The following SYNPO variants were observed in gnomAD, a reference collection of about 807,000 sequenced individuals.
SYNPO encodes synaptopodin.
SYNPO carries 19 observed loss-of-function variants against 49.5 expected under a neutral mutation model. The ratio of observed to expected loss-of-function variants is 0.38; its 90% CI spans 0.27 to 0.56. The LOEUF (loss-of-function observed/expected upper bound fraction) is 0.56. Ranked by LOEUF, SYNPO falls within the 20% of genes least tolerant of loss-of-function variation. The pLI, the probability that SYNPO is intolerant of heterozygous loss-of-function variation, is 0.68. For synonymous variants in SYNPO, 536 were observed against 548.0 expected, an observed-to-expected ratio of 0.98 and a Z score of 0.31; for missense variants, 1,131 against 1,248.3, an observed-to-expected ratio of 0.91 and a Z score of 1.42.
chr5:150,592,728 T>A, the SYNPO span, among the ~76,000 whole-genome samples: 1 of 152,362 alleles, frequency 6.6e-6, no homozygotes, highest in South Asian at 2.1e-4. Context: ...GCTTGACCCT[T>A]CTTTCTGAAG....
chr5:150,597,920 G>A (rs543522622), upstream of SYNPO, among the ~76,000 whole-genome samples: 3 of 152,272 alleles, frequency 2.0e-5, no homozygotes, highest in South Asian at 4.1e-4. Flanking sequence ...TTACAGGCAT[G>A]AGCCACCGCA....
chr5:150,619,464 C>T (rs1222433402), intron 2 of SYNPO, among the ~76,000 whole-genome samples: 1 of 152,162 alleles, frequency 6.6e-6, no homozygotes, highest in Non-Finnish European at 1.5e-5. Context: ...GGGGAGAGCA[C>T]AGTGTGCGCG....
Position 150,656,698 on chromosome 5 carries a change from G to C in SYNPO, c.2323G>C (p.Ala775Pro), listed in dbSNP as rs1264130186. 6.9e-6 allele frequency: 10 copies of C among 1,453,058 alleles called. No homozygotes were observed. The highest frequency in any genetic ancestry group is 2.4e-4 in the Middle Eastern group (1 of 4,166). 90.0% of individuals were successfully genotyped at this position (1,453,058 alleles called of 1,614,324 possible). A position where few individuals can be genotyped will look rare whatever the true frequency, so the allele number is the denominator to read the frequency against. ...ARRKSASPRS[A>P]GAENPRPFSP... ...GCGCAAGAGCGCCTCCCCGCGGTCG[G>C]CGGGCGCCGAGAACCCGCGGCCCTT... Residue 775 changes from alanine to proline, a missense_variant, in exon 3 of 3, where the codon GCG becomes CCG. Ala to Pro is a conservative substitution (Grantham distance 27). This residue lies in a region of SYNPO where 509 missense variants were observed against 484.5 expected (regional missense o/e 1.05). Transcript: ENST00000307662.
intron 2 of SYNPO, among the ~76,000 whole-genome samples, chr5:150,619,124 T>C (rs547828033): frequency 6.6e-6 from 1 of 152,056 alleles, no homozygotes; most frequent in Non-Finnish European, 1.5e-5. Context: ...AAGCAACCGA[T>C]GGGGCAGAAC....
chr5:150,587,583 T>G, the SYNPO span, among the ~76,000 whole-genome samples: 1 of 152,180 alleles, frequency 6.6e-6, no homozygotes, highest in Non-Finnish European at 1.5e-5. Flanking sequence ...TTCATAATCA[T>G]GAAACTCTAG....
At chr5:150,638,486 G>C (rs1408783036), upstream of SYNPO, among the ~76,000 whole-genome samples, 1 of 152,218 alleles carries the variant, frequency 6.6e-6, no homozygotes, top group Non-Finnish European at 1.5e-5. Context: ...AATGTGAAGG[G>C]GGAGGCTTTG....
At chr5:150,626,147 G>A (rs562168784) in intron 2 of SYNPO, among the ~76,000 whole-genome samples, 34 of 152,272 alleles carry the variant, frequency 2.2e-4, no homozygotes, top group African/African-American at 6.3e-4. Context: ...AGCCTGCCTT[G>A]TCACCAAGCC....
chr5:150,634,866 CA>C (rs1561646448), intron 2 of SYNPO, among the ~76,000 whole-genome samples: 15 of 111,076 alleles, frequency 1.4e-4, no homozygotes, highest in Non-Finnish European at 2.5e-4. Context: ...ACACACACCA[CA>C]CACACACACA....
chr5:150,648,999 C>A lies in SYNPO; in HGVS notation c.724C>A (p.Pro242Thr), dbSNP rs1459590884. The A allele has an allele frequency of 1.2e-6, 2 of 1,614,116 alleles. No individual in the cohort carries two copies. Among genetic ancestry groups the A allele is most frequent in the African/African-American group, 1.3e-5 (1 of 74,952 alleles). Residue 242 changes from proline (P) to threonine (T), a missense_variant, in exon 2 of 3, where the codon CCT becomes ACT. By Grantham distance (38) the Pro-to-Thr change is conservative (BLOSUM62 -1). Around this residue, in one of 4 missense-constraint regions of SYNPO, gnomAD observed 602 missense variants for 720.7 expected, o/e 0.84. Transcript: ENST00000307662. This position sits in a 1 kb window ranked among gnomAD's most constrained non-coding sequence, Gnocchi z 5.0. ...PPSVVNRTAR[P>T]FGIQAPGGTS... ...ATCAGTGGTCAACAGGACGGCCAGG[C>A]CTTTTGGGATCCAGGCGCCAGGGGG...
chr5:150,587,779 A>G, the SYNPO span, among the ~76,000 whole-genome samples: 1 of 152,170 alleles, frequency 6.6e-6, no homozygotes, highest in Admixed American at 6.5e-5. Context: ...TTTTCTCACC[A>G]CTGTGTGAAA....
intron 2 of SYNPO, among the ~76,000 whole-genome samples, chr5:150,626,326 C>T (rs113285368): frequency 0.011 from 1,627 of 152,340 alleles, 31 homozygotes; most frequent in African/African-American, 0.038. Flanking sequence ...TCCCCTTCCT[C>T]TGTCTCCTTA....
intron 1 of SYNPO, among the ~76,000 whole-genome samples, chr5:150,644,355 A>G (rs1758015521): frequency 1.3e-5 from 2 of 152,172 alleles, no homozygotes; most frequent in African/African-American, 4.8e-5. Flanking sequence ...GGACTTGGTG[A>G]CAGCCACCTC....
chr5:150,589,525 C>A, the SYNPO span, among the ~76,000 whole-genome samples: 1 of 152,244 alleles, frequency 6.6e-6, no homozygotes, highest in East Asian at 1.9e-4. Context: ...CTGCGATGAA[C>A]ATATCCTCAC....
chr5:150,643,028 T>C (rs1321539245), intron 1 of SYNPO, among the ~76,000 whole-genome samples: 1 of 152,240 alleles, frequency 6.6e-6, no homozygotes, highest in African/African-American at 2.4e-5. Context: ...CTAAAGGCCC[T>C]TCATATTCTG....
chr5:150,649,670 G>T lies in SYNPO; in HGVS notation c.1395G>T (p.Pro465=). Residue 465 remains proline (P), a synonymous_variant, in exon 2 of 3, where the codon CCG becomes CCT. Coordinates refer to ENST00000307662, the MANE Select transcript of SYNPO (RefSeq NM_007286.6). ...AGTCACCCCGCATCCAGGCCAAGCCGAAGCCCAAACCCAACCAGAACCTCT... is the reference window on the plus strand; with the variant it reads ...AGTCACCCCGCATCCAGGCCAAGCCTAAGCCCAAACCCAACCAGAACCTCT... ...CLKSPRIQAK[P]KPKPNQNLSE... is the part of the protein sequence containing the mutation. 6.2e-7 allele frequency: 1 copy of T among 1,610,562 alleles called. No homozygotes were observed.
rs1260388041 is a variant in SYNPO, at chr5:150,650,129, C to G, written c.1854C>G (p.Arg618=). The G allele has an allele frequency of 6.2e-7, 1 of 1,612,874 alleles. No homozygotes were observed. The highest frequency in any genetic ancestry group is 1.1e-5 in the South Asian group (1 of 91,036). The change falls in exon 2 of 3, where the codon CGC becomes CGG. Residue 618 remains arginine (R), a synonymous_variant. Transcript: ENST00000307662. ...CTCCTGCCCTGCCTCGGCCCTCGCGCTCCTCACCGGGCCTCTACACCTCCC... is the reference window on the plus strand; with the variant it reads ...CTCCTGCCCTGCCTCGGCCCTCGCGGTCCTCACCGGGCCTCTACACCTCCC... ...PPSPALPRPS[R]SSPGLYTSPG...
Position 150,649,248 on chromosome 5 carries a change from T to C in SYNPO, c.973T>C (p.Leu325=). The C allele has an allele frequency of 1.2e-6, 2 of 1,614,146 alleles. No individual in the cohort carries two copies. Among genetic ancestry groups the C allele is most frequent in the Non-Finnish European group, 8.5e-7 (1 of 1,180,026 alleles). ...FTAPPTYTET[L]STAPLASWVR... The stretch of plus-strand genomic sequence containing the variant: ...TGCACCCCCCACCTACACTGAGACC[T>C]TGTCCACAGCCCCTCTGGCTTCCTG... The change falls in exon 2 of 3, where the codon TTG becomes CTG. Residue 325 remains leucine, a synonymous_variant. Transcript: ENST00000307662.
At chr5:150,599,705 G>T (rs1296484306), upstream of SYNPO, among the ~76,000 whole-genome samples, 1 of 152,202 alleles carries the variant, frequency 6.6e-6, no homozygotes, top group Non-Finnish European at 1.5e-5. Flanking sequence ...CTGGGGGTCG[G>T]CGGTGGGGGC....
upstream of SYNPO, among the ~76,000 whole-genome samples, chr5:150,596,924 A>ATT (rs1399688692): frequency 9.3e-4 from 141 of 152,330 alleles, no homozygotes; most frequent in Admixed American, 3.0e-3. Flanking sequence ...AGGGCTGGAA[A>ATT]GCCTCATGAC....
Sources: gnomAD v4.1 joint callset for allele counts (sites outside exome capture counted in the v4.1 genomes callset) on GRCh38, gnomAD v4.1.1 for gene constraint, gnomAD v4.1.1 regional missense constraint, Gnocchi (gnomAD v3.1) non-coding constraint, MANE v1.5 for transcripts, NCBI Gene and HGNC (gene_info 2026-07-23, HGNC 2026-07-21) for gene names.